OTUD4: variants seen among roughly 807,000 people sequenced by gnomAD.
OTUD4 encodes OTU deubiquitinase 4.
Under a neutral mutation model 130.4 loss-of-function variants are expected in OTUD4, and 24 were observed. The observed-to-expected ratio is 0.18, with a 90% CI of 0.13 to 0.26. The LOEUF (loss-of-function observed/expected upper bound fraction) is 0.26, where lower values mean the gene tolerates loss of function less well. OTUD4 is among the 10% of genes least tolerant of loss of function. OTUD4 has a pLI of 1.00. For missense variants in OTUD4, 1,031 were observed against 1,329.4 expected (o/e 0.78, Z 3.49); for synonymous variants, 420 against 472.5 (o/e 0.89, Z 1.44).
In OTUD4 at chr4:145,137,981, G is replaced by T; in HGVS notation, c.2794C>A (p.Pro932Thr). 1 of 1,614,138 alleles carries T rather than the reference G, an allele frequency of 6.2e-7. No individual in the cohort carries two copies. The highest frequency in any genetic ancestry group is 1.6e-4 in the Middle Eastern group (1 of 6,062). Reference protein sequence around the residue: ...SLPEASVSSKPDEGRTEQSSQ... With the variant: ...SLPEASVSSKTDEGRTEQSSQ... ...GATTGCTCTGTCCGGCCTTCGTCCG[G>T]CTTACTGCTCACACTTGCTTCAGGG... is the stretch of plus-strand genomic sequence containing the variant. The change falls in exon 21 of 21, where the codon CCG (proline) becomes ACG (threonine). Residue 932 changes from proline to threonine, a missense_variant. Transcript: ENST00000447906.
intron 19 of OTUD4, among the ~76,000 whole-genome samples, 185 bp from the exon 20 acceptor site, chr4:145,140,176 T>C (rs1053536920): frequency 6.6e-6 from 1 of 152,086 alleles, no homozygotes; most frequent in African/African-American, 2.4e-5. Flanking sequence ...TTCCCAAAGG[T>C]TAATTCCAGA....
At chr4:145,141,830 C>T (rs1473305773) in intron 18 of OTUD4, among the ~76,000 whole-genome samples, 191 bp from the exon 19 acceptor site, 1 of 152,080 alleles carries the variant, frequency 6.6e-6, no homozygotes, top group Admixed American at 6.5e-5. Context: ...GAGTCAATGT[C>T]TTCTAATAGT....
chr4:145,141,589 C>A lies in OTUD4; in HGVS notation c.1873G>T (p.Gly625Ter). 1.3e-6 allele frequency: 2 copies of A among 1,592,384 alleles called. No homozygotes were observed. The highest frequency in any genetic ancestry group is 1.7e-5 in the Admixed American group (1 of 57,856). ...VLSVTQTLTT[G>*]PDSAVSQAHL... ...GCTTGGGATACAGCTGAATCAGGTC[C>A]AGTGGTCAAAGTCTGTGTCACTGAC... Residue 625 changes from glycine to a stop codon, truncating the protein, a stop_gained, in exon 19 of 21, where the codon GGA becomes TGA. Transcript: ENST00000447906. LOFTEE classifies it high-confidence loss of function.
chr4:145,150,967 T>TTACTA, intron 11 of OTUD4, 62 bp from the exon 12 acceptor site: 4 of 948,436 alleles, frequency 4.2e-6, no homozygotes, highest in Non-Finnish European at 4.7e-6. Context: ...TTAAATATTC[T>TTACTA]GCATATTTAT....
rs767228081 is a variant in OTUD4 at position 145,138,000 on chromosome 4, T to C, written c.2775A>G (p.Glu925=). Residue 925 remains glutamate (E), a synonymous_variant, in exon 21 of 21, where the codon GAA becomes GAG. Transcript: ENST00000447906. ...ARGEHVHSLP[E]ASVSSKPDEG... is the part of the protein sequence containing the mutation. ...CGTCCGGCTTACTGCTCACACTTGC[T>C]TCAGGGAGAGAATGTACATGTTCAC... 1 of 1,614,130 alleles carries C rather than the reference T, an allele frequency of 6.2e-7. No individual in the cohort carries two copies. Among genetic ancestry groups the C allele is most frequent in the Non-Finnish European group, 8.5e-7 (1 of 1,179,980 alleles).
chr4:145,170,220 C>A (rs1402070086), intron 3 of OTUD4, among the ~76,000 whole-genome samples: 1 of 152,208 alleles, frequency 6.6e-6, no homozygotes, highest in Non-Finnish European at 1.5e-5. Context: ...AGATAACCTA[C>A]AGATCACACT....
At position 145,142,302 on chromosome 4, in the gene OTUD4, T is replaced by A. The variant is rs768878957; in HGVS notation, c.1716A>T (p.Pro572=). The A allele has an allele frequency of 3.1e-6, 5 of 1,613,996 alleles. No individual in the cohort carries two copies. Among genetic ancestry groups the A allele is most frequent in the Non-Finnish European group, 4.2e-6 (5 of 1,179,896 alleles). The part of the protein sequence containing the change: ...KPAEHVSLSN[P]APLLVSPEVH... The stretch of plus-strand genomic sequence containing the variant: ...CCTCTGGAGAAACTAGAAGGGGAGC[T>A]GGATTTGACAAAGACACATGTTCTG... Residue 572 remains proline, a synonymous_variant, in exon 18 of 21, where the codon CCA becomes CCT. Transcript: ENST00000447906.
chr4:145,135,158 A>C lies in OTUD4; in HGVS notation c.*2272T>G, dbSNP rs1750182143. The C allele has an allele frequency of 7.5e-6, 2 of 266,300 alleles. No homozygotes were observed. Among genetic ancestry groups the C allele is most frequent in the African/African-American group, 4.4e-5 (2 of 45,696 alleles). 16.5% of individuals were successfully genotyped at this position (266,300 alleles called of 1,614,324 possible). On this transcript the variant is annotated 3_prime_UTR_variant, in exon 21 of 21. Transcript: ENST00000447906. Reference sequence around the variant, plus strand: ...TATCAAAAGTCAGTTCTTTTATTCCAGAGGTCACTGAGAAAAGTACCATCT... The same window carrying C: ...TATCAAAAGTCAGTTCTTTTATTCCCGAGGTCACTGAGAAAAGTACCATCT...
At chr4:145,138,693 AAAG>A (rs1750406747) in intron 20 of OTUD4, 43 bp from the exon 21 acceptor site, 1 of 1,546,574 alleles carries the variant, frequency 6.5e-7, no homozygotes, top group Non-Finnish European at 8.7e-7. Flanking sequence ...AGAGGAGAAA[AAAG>A]AGAGGTTTGG....
At position 145,139,887 on chromosome 4, in the gene OTUD4, C is replaced by G. The variant is rs1233442268; in HGVS notation, c.2124+64G>C. The G allele has an allele frequency of 5.6e-6, 3 of 536,322 alleles. No individual in the cohort carries two copies. In the African/African-American group the frequency reaches 6.1e-5, roughly 11 times the overall value. 33.2% of individuals were successfully genotyped at this position (536,322 alleles called of 1,614,324 possible). ...CTGACTGACAGGGTAAGAGTTAACA[C>G]TAGTAATAATTTAAAACACTATTAA... On this transcript the variant is annotated intron_variant, in intron 20 of 20. Coordinates refer to ENST00000447906, the MANE Select transcript of OTUD4 (RefSeq NM_001366057.1).
At chr4:145,175,928 G>A (rs1320389425) in intron 1 of OTUD4, among the ~76,000 whole-genome samples, 1 of 151,800 alleles carries the variant, frequency 6.6e-6, no homozygotes, top group African/African-American at 2.4e-5. Context: ...GTGCAGTGGT[G>A]CAATCTCAGC....
chr4:145,152,773 G>A (rs866801322), intron 10 of OTUD4, 138 bp from the exon 11 acceptor site: 31 of 595,240 alleles, frequency 5.2e-5, no homozygotes, highest in East Asian at 1.8e-4. Context: ...CTGAAGTGCA[G>A]AGGCACAATC....
intron 18 of OTUD4, 116 bp downstream of exon 18, chr4:145,142,080 T>TGATTAG: frequency 1.2e-6 from 1 of 834,658 alleles, no homozygotes; most frequent in Non-Finnish European, 2.0e-6. Context: ...CACAGAAAGC[T>TGATTAG]CTGTGAGGCT....
rs576281087 is a variant in OTUD4 at position 145,152,967 on chromosome 4, T to C, written c.874-332A>G. On this transcript the variant is annotated intron_variant, in intron 10 of 20. Coordinates refer to ENST00000447906, the MANE Select transcript of OTUD4 (RefSeq NM_001366057.1). ...CCAGCCTGGTCTCAAACTCCTGACC[T>C]CAAGTGATCCACCCGCCTAGGCCTC... Among the ~76,000 whole-genome samples, 12 of 151,824 alleles carry C rather than the reference T, an allele frequency of 7.9e-5. No homozygotes were observed. The South Asian group carries it at 1.9e-3, about 24-fold the overall frequency.
intron 2 of OTUD4, 59 bp from the exon 3 acceptor site, chr4:145,171,779 G>T: frequency 1.3e-6 from 1 of 797,400 alleles, no homozygotes. Context: ...ACAGTTAACC[G>T]CTTCGCTGTG....
rs1323977578 is a variant in OTUD4 at position 145,134,435 on chromosome 4, G to A, written c.*2995C>T. The A allele has an allele frequency of 1.4e-5, 5 of 349,752 alleles. No individual in the cohort carries two copies. Among genetic ancestry groups the A allele is most frequent in the Non-Finnish European group, 2.6e-5 (5 of 195,730 alleles). The allele number at this position is 349,752 out of a possible 1,614,324, so 21.7% of individuals were successfully genotyped here. A position where few individuals can be genotyped will look rare whatever the true frequency, so the allele number is the denominator to read the frequency against. The stretch of plus-strand genomic sequence containing the variant: ...AATATTGCTAGTTTCTAGGATGGCT[G>A]AATGTTTTCTAAACCAGAAATGGTT... On this transcript the variant is annotated 3_prime_UTR_variant, in exon 21 of 21. Transcript: ENST00000447906.
At chr4:145,157,957 A>G (rs1215654831) in intron 7 of OTUD4, among the ~76,000 whole-genome samples, 1 of 152,102 alleles carries the variant, frequency 6.6e-6, no homozygotes, top group Non-Finnish European at 1.5e-5. Context: ...CCCAACCCCA[A>G]TCACAGGTAA....
At chr4:145,149,698 C>T (rs1437903810) in intron 13 of OTUD4, 1 of 152,156 alleles carries the variant, frequency 6.6e-6, no homozygotes, top group Non-Finnish European at 1.5e-5. Context: ...AAAAAAGGAA[C>T]ACCCAAATGC....
intron 19 of OTUD4, among the ~76,000 whole-genome samples, chr4:145,140,738 C>G (rs192446487): frequency 1.9e-4 from 29 of 152,136 alleles, no homozygotes; most frequent in African/African-American, 5.8e-4. Flanking sequence ...TGATAAAGCT[C>G]CACAGTGTTT....
Sources: allele counts gnomAD v4.1 joint callset (sites outside exome capture counted in the v4.1 genomes callset), GRCh38; gene constraint gnomAD v4.1.1; transcripts MANE v1.5; gene names NCBI Gene and HGNC (gene_info 2026-07-23, HGNC 2026-07-21).